The following CAB39 variants were observed in gnomAD, a reference collection of about 807,000 sequenced individuals.
CAB39 encodes the protein calcium binding protein 39.
Under a neutral mutation model 40.0 loss-of-function variants are expected in CAB39, and 8 were observed. The ratio of observed to expected loss-of-function variants is 0.20; its 90% CI spans 0.12 to 0.36. The LOEUF (loss-of-function observed/expected upper bound fraction) is 0.36. CAB39 is among the 10% of genes least tolerant of loss of function. The pLI is 1.00. For synonymous variants in CAB39, 156 were observed against 141.6 expected (o/e 1.10, Z -0.72); for missense variants, 270 against 401.1 (o/e 0.67, Z 2.79).
intron 5 of CAB39, among the ~76,000 whole-genome samples, chr2:230,804,628 C>T (rs930325527): frequency 2.6e-5 from 4 of 152,130 alleles, no homozygotes; most frequent in African/African-American, 9.7e-5. Context: ...TTTATGCAGC[C>T]AACAGACACA....
intron 7 of CAB39, among the ~76,000 whole-genome samples, chr2:230,816,198 G>A (rs1181537200): frequency 3.3e-5 from 5 of 152,170 alleles, no homozygotes; most frequent in African/African-American, 1.2e-4. Context: ...ACTTGAGCTC[G>A]GGAGGTGGAG....
At chr2:230,716,806 G>A (rs1040689238) in intron 1 of CAB39, among the ~76,000 whole-genome samples, 2 of 152,156 alleles carry the variant, frequency 1.3e-5, no homozygotes, top group Admixed American at 6.5e-5. Context: ...GTTGGAGGCC[G>A]ATCTGAGCAA....
chr2:230,772,507 C>T (rs1207689566), intron 2 of CAB39, among the ~76,000 whole-genome samples: 33 of 144,122 alleles, frequency 2.3e-4, no homozygotes, highest in Admixed American at 1.6e-3. Flanking sequence ...TTTTTTGAGA[C>T]GAAGTCTCAC....
chr2:230,808,300 T>C (rs1051037544), intron 5 of CAB39, among the ~76,000 whole-genome samples: 2 of 152,126 alleles, frequency 1.3e-5, no homozygotes, highest in African/African-American at 4.8e-5. Flanking sequence ...TAGACTGGTC[T>C]CGAACTCCTG....
At chr2:230,715,189 T>C (rs374694417) in intron 1 of CAB39, among the ~76,000 whole-genome samples, 1 of 152,212 alleles carries the variant, frequency 6.6e-6, no homozygotes. Flanking sequence ...TATAAAAAAT[T>C]TTTACTCAAC....
At chr2:230,765,893 G>A (rs964693230) in intron 2 of CAB39, among the ~76,000 whole-genome samples, 5 of 151,988 alleles carry the variant, frequency 3.3e-5, no homozygotes, top group East Asian at 1.9e-4. Flanking sequence ...TAGACATTTC[G>A]CTATTAGGAT....
intron 1 of CAB39, among the ~76,000 whole-genome samples, chr2:230,746,410 CAA>C (rs1559596111): frequency 6.6e-6 from 1 of 152,144 alleles, no homozygotes; most frequent in African/African-American, 2.4e-5. Context: ...TAAAAACAGT[CAA>C]TCCCAAAAAG....
intron 1 of CAB39, among the ~76,000 whole-genome samples, chr2:230,730,453 T>G (rs997636232): frequency 1.3e-5 from 2 of 151,626 alleles, no homozygotes; most frequent in Admixed American, 1.3e-4. Context: ...TTCTTTTTTT[T>G]TTTTTTTTGA....
chr2:230,765,215 T>C (rs1016316607), intron 2 of CAB39, among the ~76,000 whole-genome samples: 3 of 152,210 alleles, frequency 2.0e-5, no homozygotes, highest in Non-Finnish European at 2.9e-5. Flanking sequence ...GGTCTCGATC[T>C]CCTGACCTCG....
At chr2:230,801,867 T>TAA (rs61365992) in intron 5 of CAB39, among the ~76,000 whole-genome samples, 20,995 of 146,046 alleles carry the variant, frequency 0.14, 2,108 homozygotes, top group African/African-American at 0.3. Flanking sequence ...GGACTCTGTT[T>TAA]AAAAAAAAAA....
At chr2:230,725,511 T>A in intron 1 of CAB39, 1 of 992,850 alleles carries the variant, frequency 1.0e-6, no homozygotes, top group South Asian at 1.4e-5. Flanking sequence ...CTTTTTAATA[T>A]CAAATTTTGT....
chr2:230,783,307 G>A (rs1695726280), intron 2 of CAB39, among the ~76,000 whole-genome samples: 1 of 152,182 alleles, frequency 6.6e-6, no homozygotes, highest in Admixed American at 6.5e-5. Context: ...CTTGTTCAGT[G>A]CTGTAACTCT....
chr2:230,792,664 T>G (rs1695911813), intron 3 of CAB39, among the ~76,000 whole-genome samples: 1 of 152,242 alleles, frequency 6.6e-6, no homozygotes. Context: ...ACCTTCATTA[T>G]TAATCTATAT....
intron 1 of CAB39, among the ~76,000 whole-genome samples, chr2:230,748,421 C>G (rs1695013860): frequency 6.6e-6 from 1 of 152,100 alleles, no homozygotes; most frequent in South Asian, 2.1e-4. Context: ...ATGTAGTTAG[C>G]CTGCGTATCC....
In CAB39 at chr2:230,748,832, ATATATATATATATAT is replaced by A. The variant is rs1419687370; in HGVS notation, c.-43-11126_-43-11112del. On this transcript the variant is annotated intron_variant, in intron 1 of 8. Coordinates refer to ENST00000258418, the MANE Select transcript of CAB39 (RefSeq NM_016289.4). ...CAAAAAGAAAAAAAAAAAAAAAAAA[ATATATATATATATAT>A]ATATATATATATATATATATAACAA... Among the ~76,000 whole-genome samples the A allele has an allele frequency of 8.7e-4, 19 of 21,758 alleles. 1 individual carries two copies. Among genetic ancestry groups the A allele is most frequent in the Admixed American group, 2.6e-3 (4 of 1,520 alleles). 14.3% of individuals were successfully genotyped at this position (21,758 alleles called of 152,430 possible). A position where few individuals can be genotyped will look rare whatever the true frequency, so the allele number is the denominator to read the frequency against.
At chr2:230,773,088 A>G (rs1695516744) in intron 2 of CAB39, among the ~76,000 whole-genome samples, 1 of 152,052 alleles carries the variant, frequency 6.6e-6, no homozygotes, top group Non-Finnish European at 1.5e-5. Context: ...CACATAGTAT[A>G]TGATTCTATT....
chr2:230,764,754 C>G (rs1411278004), intron 2 of CAB39, among the ~76,000 whole-genome samples: 1 of 152,170 alleles, frequency 6.6e-6, no homozygotes, highest in African/African-American at 2.4e-5. Flanking sequence ...TAATTCAAGT[C>G]TGAATAGTGT....
intron 4 of CAB39, among the ~76,000 whole-genome samples, chr2:230,795,543 C>G (rs941273154): frequency 6.6e-6 from 1 of 152,056 alleles, no homozygotes; most frequent in African/African-American, 2.4e-5. Context: ...GGCAAAAGTT[C>G]ATGGATGGTG....
chr2:230,796,454 G>A (rs912244643), intron 4 of CAB39, among the ~76,000 whole-genome samples: 3 of 152,028 alleles, frequency 2.0e-5, no homozygotes, highest in South Asian at 2.1e-4. Flanking sequence ...TGGTTTAATC[G>A]TTTAGACAAG....
Sources: gnomAD v4.1 joint callset for allele counts (sites outside exome capture counted in the v4.1 genomes callset) on GRCh38, gnomAD v4.1.1 for gene constraint, MANE v1.5 for transcripts, NCBI Gene and HGNC (gene_info 2026-07-23, HGNC 2026-07-21) for gene names.